The following VWA3B variants were observed in gnomAD, a reference collection of about 807,000 sequenced individuals.
The protein encoded by VWA3B is von Willebrand factor A domain-containing protein 3B.
Under a neutral mutation model 158.3 loss-of-function variants are expected in VWA3B, and 138 were observed. The observed-to-expected ratio is 0.87, with a 90% CI of 0.76 to 1.00. The LOEUF (loss-of-function observed/expected upper bound fraction) is 1.00, where lower values mean the gene tolerates loss of function less well. VWA3B is among the 50% of genes least tolerant of loss of function. VWA3B has a pLI of 0.00. For missense variants in VWA3B, 1,555 were observed against 1,565.1 expected, an observed-to-expected ratio of 0.99 and a Z score of 0.11; for synonymous variants, 596 against 587.3, an observed-to-expected ratio of 1.01 and a Z score of -0.21.
rs572260933 is a variant in VWA3B, at chr2:98,312,113, A to T, written c.3735+81A>T. On this transcript the variant is annotated intron_variant, in intron 27 of 27. Transcript: ENST00000477737. ...CCCTTTCAAGAATAGTACACCTAAC[A>T]TCGTCCTTCAGATTCTGGGCCTGTT... The T allele has an allele frequency of 5.9e-5, 95 of 1,612,878 alleles. No individual in the cohort carries two copies. In the African/African-American group the frequency reaches 1.0e-3, roughly 17 times the overall value.
intron 12 of VWA3B, among the ~76,000 whole-genome samples, chr2:98,202,821 GTTTATTTATTTA>G (rs374333108): frequency 6.6e-6 from 1 of 151,486 alleles, no homozygotes; most frequent in South Asian, 2.1e-4. Flanking sequence ...CTAGGTTGAG[GTTTATTTATTTA>G]TTTATTTATT....
intron 21 of VWA3B, among the ~76,000 whole-genome samples, chr2:98,257,674 A>G (rs893783106): frequency 2.0e-5 from 3 of 151,792 alleles, no homozygotes; most frequent in African/African-American, 7.3e-5. Context: ...CCATTTGTAT[A>G]TCTTCTTTGG....
intron 22 of VWA3B, among the ~76,000 whole-genome samples, chr2:98,284,753 G>A (rs981020035): frequency 1.3e-5 from 2 of 152,166 alleles, no homozygotes; most frequent in Non-Finnish European, 2.9e-5. Context: ...TATTTTGCTA[G>A]GCACTCCAAT....
At chr2:98,237,065 A>C (rs964255923) in intron 19 of VWA3B, among the ~76,000 whole-genome samples, 1 of 152,244 alleles carries the variant, frequency 6.6e-6, no homozygotes, top group Non-Finnish European at 1.5e-5. Context: ...AGCCCCAGCT[A>C]CTTGAGCCAC....
intron 10 of VWA3B, 99 bp from the exon 11 acceptor site, chr2:98,192,799 G>T (rs1413715427): frequency 2.6e-6 from 4 of 1,513,298 alleles, no homozygotes; most frequent in Non-Finnish European, 3.7e-6. Context: ...ACAACATAGC[G>T]CAGCTCTGTC....
At chr2:98,289,301 G>T (rs1689351870) in intron 22 of VWA3B, among the ~76,000 whole-genome samples, 1 of 152,200 alleles carries the variant, frequency 6.6e-6, no homozygotes, top group South Asian at 2.1e-4. Flanking sequence ...TCTGTGACTT[G>T]TGCAGACATG....
In VWA3B at chr2:98,297,990, A is replaced by G. The variant is rs1689916072; in HGVS notation, c.3241A>G (p.Ile1081Val). 1 of 1,588,024 alleles carries G rather than the reference A, an allele frequency of 6.3e-7. No individual in the cohort carries two copies. The highest frequency in any genetic ancestry group is 1.1e-5 in the South Asian group (1 of 87,292). The change falls in exon 24 of 28, where the codon ATC (isoleucine) becomes GTC (valine). Residue 1081 changes from isoleucine to valine, a missense_variant. Physicochemically the swap from Ile to Val is conservative, Grantham distance 29. Coordinates refer to ENST00000477737, the MANE Select transcript of VWA3B (RefSeq NM_144992.5). ...GDTKVVSTSF[I>V]TPVGGAMPCP... Reference sequence around the variant, plus strand: ...CACCAAGGTCGTGTCCACCTCCTTCATCACGCCTGTGGGGGGCGCCATGCC... The same window carrying G: ...CACCAAGGTCGTGTCCACCTCCTTCGTCACGCCTGTGGGGGGCGCCATGCC...
At chr2:98,264,412 T>A (rs1687666158) in intron 21 of VWA3B, among the ~76,000 whole-genome samples, 1 of 152,148 alleles carries the variant, frequency 6.6e-6, no homozygotes, top group African/African-American at 2.4e-5. Context: ...TTTCGATATG[T>A]TGTATTTTTC....
chr2:98,275,218 T>C (rs1175267383), intron 22 of VWA3B, among the ~76,000 whole-genome samples: 2 of 152,088 alleles, frequency 1.3e-5, no homozygotes, highest in African/African-American at 4.8e-5. Context: ...AATGAATAAA[T>C]GAAAGAACAA....
the VWA3B span, among the ~76,000 whole-genome samples, chr2:98,321,894 A>C: frequency 6.6e-6 from 1 of 152,184 alleles, no homozygotes; most frequent in African/African-American, 2.4e-5. Context: ...TTTAGCTCCC[A>C]TAATTCCCAC....
rs187183016 is a variant in VWA3B at position 98,286,944 on chromosome 2, G to A, written c.3046-3567G>A. 1.8e-4 allele frequency among the ~76,000 whole-genome samples: 28 copies of A among 152,136 alleles called. No individual in the cohort carries two copies. The East Asian group carries it at 2.5e-3, about 14-fold the overall frequency. ...TGGAGCCAAACAGAGGGTGGAGAGC[G>A]AAAGGGAGAGAGAGAGAGAACAATG... On this transcript the variant is annotated intron_variant, in intron 22 of 27. Transcript: ENST00000477737.
At chr2:98,134,982 C>A (rs537162014) in intron 7 of VWA3B, among the ~76,000 whole-genome samples, 24 of 152,072 alleles carry the variant, frequency 1.6e-4, no homozygotes, top group African/African-American at 5.5e-4. Flanking sequence ...AACCTTTGTT[C>A]CAATCATGAA....
At chr2:98,200,846 G>A (rs1463367336) in intron 12 of VWA3B, among the ~76,000 whole-genome samples, 3 of 152,154 alleles carry the variant, frequency 2.0e-5, no homozygotes, top group Non-Finnish European at 2.9e-5. Flanking sequence ...GTTCATTTTT[G>A]TATAAGGTGT....
chr2:98,276,514 C>A (rs1688530251), intron 22 of VWA3B, among the ~76,000 whole-genome samples: 1 of 152,248 alleles, frequency 6.6e-6, no homozygotes, highest in South Asian at 2.1e-4. Flanking sequence ...CATCATTAAG[C>A]ACCCCCATGA....
At chr2:98,270,538 A>G (rs1312421252) in intron 21 of VWA3B, 144 bp from the exon 22 acceptor site, 4 of 801,852 alleles carry the variant, frequency 5.0e-6, no homozygotes, top group Non-Finnish European at 3.9e-6. Context: ...TGATGCTGTC[A>G]TCTGACACCT....
At chr2:98,185,949 G>A (rs1255341387) in intron 9 of VWA3B, among the ~76,000 whole-genome samples, 3 of 152,026 alleles carry the variant, frequency 2.0e-5, no homozygotes, top group Non-Finnish European at 4.4e-5. Flanking sequence ...TTCCTCAGTC[G>A]AGTTGTATAC....
At chr2:98,120,957 A>G (rs1354746391) in intron 4 of VWA3B, among the ~76,000 whole-genome samples, 1 of 152,254 alleles carries the variant, frequency 6.6e-6, no homozygotes, top group Non-Finnish European at 1.5e-5. Context: ...TAAATGTACT[A>G]TTAAGTGAAG....
downstream of VWA3B, among the ~76,000 whole-genome samples, chr2:98,313,971 C>T (rs1691032164): frequency 6.6e-6 from 1 of 152,190 alleles, no homozygotes; most frequent in African/African-American, 2.4e-5. Context: ...ACTAGAATTA[C>T]ACTCCCACCA....
chr2:98,327,312 A>T, the VWA3B span, among the ~76,000 whole-genome samples: 1 of 152,082 alleles, frequency 6.6e-6, no homozygotes, highest in Non-Finnish European at 1.5e-5. Context: ...CAAACAAAAG[A>T]TATAAAAAAC....
Sources: allele counts gnomAD v4.1 joint callset (sites outside exome capture counted in the v4.1 genomes callset), GRCh38; gene constraint gnomAD v4.1.1; transcripts MANE v1.5; gene names NCBI Gene and HGNC (gene_info 2026-07-23, HGNC 2026-07-21).